Variants in GALNT9 observed in about 807,000 individuals in gnomAD.
GALNT9 encodes the protein GalNAc transferase 9.
GALNT9 carries 47 observed loss-of-function variants against 63.1 expected under a neutral mutation model. That is an observed-to-expected ratio of 0.75 (90% CI 0.59 to 0.95). The LOEUF is 0.95. Ranked by LOEUF, GALNT9 falls within the 40% of genes least tolerant of loss-of-function variation. GALNT9 has a pLI of 0.00. For synonymous variants in GALNT9, 396 were observed against 365.7 expected, an observed-to-expected ratio of 1.08 and a Z score of -0.94; for missense variants, 829 against 874.8, an observed-to-expected ratio of 0.95 and a Z score of 0.66.
intron 6 of GALNT9, among the ~76,000 whole-genome samples, chr12:132,225,661 C>T (rs1014229913): frequency 0.013 from 1,859 of 148,672 alleles, 35 homozygotes; most frequent in East Asian, 0.065. Flanking sequence ...ACACACCCCA[C>T]ACACACACTC....
At chr12:132,311,608 G>C (rs1345288213) in intron 1 of GALNT9, among the ~76,000 whole-genome samples, 14 of 152,224 alleles carry the variant, frequency 9.2e-5, no homozygotes, top group African/African-American at 3.4e-4. Flanking sequence ...AGAGAGAGCA[G>C]ATGTGGACTC....
Position 132,282,792 on chromosome 12 carries a change from C to T in GALNT9, c.419+3458G>A, listed in dbSNP as rs28528829. ...ACGCTCTGACTGGTTTAGACCTGGG[C>T]GGCGGGATCTGCAGCTGGGCTGAAA... On this transcript the variant is annotated intron_variant, in intron 2 of 10. Coordinates refer to ENST00000328957, the MANE Select transcript of GALNT9 (RefSeq NM_001122636.2). This position sits in a 1 kb window ranked among gnomAD's most constrained non-coding sequence, Gnocchi z 4.5. 0.097 allele frequency: 14,833 copies of T among 152,270 alleles called. 1,968 individuals carry two copies. The highest frequency in any genetic ancestry group is 0.3 in the African/African-American group (12,352 of 41,442). 9.4% of individuals were successfully genotyped at this position (152,270 alleles called of 1,614,324 possible). A position where few individuals can be genotyped will look rare whatever the true frequency, so the allele number is the denominator to read the frequency against.
At position 132,329,067 on chromosome 12, in the gene GALNT9, C is replaced by CG. The variant is rs1869177883; in HGVS notation, c.136dup (p.Arg46ProfsTer16). On this transcript the variant is annotated frameshift_variant, in exon 1 of 11. Coordinates refer to ENST00000328957, the MANE Select transcript of GALNT9 (RefSeq NM_001122636.2). LOFTEE classifies it high-confidence loss of function. ...CACCTTGGCGTGTCGGCTGCGCACC[C>CG]GGCGGTCGCCGCTCACGATGCGCAC... is the stretch of plus-strand genomic sequence containing the variant. 3 of 1,547,294 alleles carry CG rather than the reference C, an allele frequency of 1.9e-6. No homozygotes were observed. The highest frequency in any genetic ancestry group is 2.6e-6 in the Non-Finnish European group (3 of 1,146,388).
At chr12:132,313,792 ATC>A in intron 1 of GALNT9, among the ~76,000 whole-genome samples, 1 of 130,698 alleles carries the variant, frequency 7.7e-6, no homozygotes, top group African/African-American at 3.0e-5. Flanking sequence ...ACATCCACCC[ATC>A]CACCCACCCA....
intron 3 of GALNT9, 57 bp from the exon 4 acceptor site, chr12:132,261,179 A>T: frequency 1.3e-6 from 2 of 1,538,410 alleles, no homozygotes; most frequent in Non-Finnish European, 1.7e-6. Flanking sequence ...CGGGGCCACC[A>T]AGACCCAAGG....
intron 2 of GALNT9, among the ~76,000 whole-genome samples, chr12:132,269,793 C>T (rs960991756): frequency 7.9e-5 from 12 of 152,330 alleles, no homozygotes; most frequent in East Asian, 3.9e-4. Context: ...CTGTCCTGGC[C>T]GCTCACTTTC....
chr12:132,251,771 T>A (rs1555238602), intron 5 of GALNT9, among the ~76,000 whole-genome samples: 1 of 152,128 alleles, frequency 6.6e-6, no homozygotes, highest in Non-Finnish European at 1.5e-5. Flanking sequence ...GGTTCTCAGG[T>A]GGGCAGGCCT....
intron 6 of GALNT9, among the ~76,000 whole-genome samples, chr12:132,226,383 A>G (rs1877688038): frequency 6.6e-6 from 1 of 150,630 alleles, no homozygotes; most frequent in African/African-American, 2.5e-5. Context: ...CTGTACATAC[A>G]CATCCCACAC....
chr12:132,285,369 C>T (rs1880547087), intron 2 of GALNT9, among the ~76,000 whole-genome samples: 1 of 152,246 alleles, frequency 6.6e-6, no homozygotes, highest in South Asian at 2.1e-4. Flanking sequence ...CCAGTCGCTC[C>T]CAGGCCCAGA....
chr12:132,230,208 C>A (rs1252279930), intron 6 of GALNT9, among the ~76,000 whole-genome samples: 2 of 152,198 alleles, frequency 1.3e-5, no homozygotes, highest in African/African-American at 4.8e-5. Flanking sequence ...GGAGTCCACG[C>A]ACCCCCTGCC....
At position 132,279,620 on chromosome 12, in the gene GALNT9, GTTTC is replaced by G. The variant is rs1361515774; in HGVS notation, c.419+6626_419+6629del. The G allele has an allele frequency of 6.6e-6, 1 of 152,530 alleles. No individual in the cohort carries two copies. The highest frequency in any genetic ancestry group is 2.4e-5 in the African/African-American group (1 of 41,580). The allele number at this position is 152,530 out of a possible 1,614,324, so 9.4% of individuals were successfully genotyped here. A position where few individuals can be genotyped will look rare whatever the true frequency, so the allele number is the denominator to read the frequency against. On this transcript the variant is annotated intron_variant, in intron 2 of 10. Coordinates refer to ENST00000328957, the MANE Select transcript of GALNT9 (RefSeq NM_001122636.2). The surrounding 1 kb of genome is among the most constrained non-coding windows in gnomAD (Gnocchi z 4.1). ...TCCCCTCCCCACAGTCTTGGCAGTG[GTTTC>G]TTCTCTCCAGAGTTACTGTCCCTAC...
rs1358213889 is a variant in GALNT9, at chr12:132,252,210, C to A, written c.960-4183G>T. ...TCCCATTGAAGCTCAGGTGCTTCAACTCTGCAGGGAGCAAAGAGGCCTCCA... is the reference window on the plus strand; with the variant it reads ...TCCCATTGAAGCTCAGGTGCTTCAAATCTGCAGGGAGCAAAGAGGCCTCCA... On this transcript the variant is annotated intron_variant, in intron 5 of 10. Coordinates refer to ENST00000328957, the MANE Select transcript of GALNT9 (RefSeq NM_001122636.2). The surrounding 1 kb of genome is among the most constrained non-coding windows in gnomAD (Gnocchi z 5.2). Among the ~76,000 whole-genome samples, 1 of 152,220 alleles carries A rather than the reference C, an allele frequency of 6.6e-6. No homozygotes were observed. The highest frequency in any genetic ancestry group is 1.5e-5 in the Non-Finnish European group (1 of 68,038).
At chr12:132,256,764 C>T (rs1555239124) in intron 5 of GALNT9, among the ~76,000 whole-genome samples, 1 of 152,176 alleles carries the variant, frequency 6.6e-6, no homozygotes, top group African/African-American at 2.4e-5. Flanking sequence ...GATTCACAGT[C>T]CTGCCAGCCA....
intron 6 of GALNT9, among the ~76,000 whole-genome samples, chr12:132,215,745 GC>G (rs1231683639): frequency 6.6e-6 from 1 of 152,236 alleles, no homozygotes; most frequent in African/African-American, 2.4e-5. Flanking sequence ...GCACAGAGCA[GC>G]CAGTGGGCAT....
chr12:132,227,389 A>G (rs1037983920), intron 6 of GALNT9, among the ~76,000 whole-genome samples: 241 of 152,090 alleles, frequency 1.6e-3, no homozygotes, highest in Admixed American at 3.6e-3. Flanking sequence ...TGCTGGCCGC[A>G]GCTCCCTCCG....
At chr12:132,206,789 G>C (rs1263725890) in intron 6 of GALNT9, among the ~76,000 whole-genome samples, 1 of 152,206 alleles carries the variant, frequency 6.6e-6, no homozygotes, top group Non-Finnish European at 1.5e-5. Context: ...GGCAAATGTG[G>C]AGATGGCGGC....
chr12:132,254,051 C>T (rs543382260), intron 5 of GALNT9, among the ~76,000 whole-genome samples: 3 of 150,314 alleles, frequency 2.0e-5, no homozygotes, highest in Admixed American at 1.3e-4. Flanking sequence ...GACTGAATTT[C>T]GCTCTCGTTG....
Position 132,203,651 on chromosome 12 carries a change from A to T in GALNT9, c.1117T>A (p.Ser373Thr), listed in dbSNP as rs773099025. 1 of 1,613,632 alleles carries T rather than the reference A, an allele frequency of 6.2e-7. No homozygotes were observed. Among genetic ancestry groups the T allele is most frequent in the East Asian group, 2.2e-5 (1 of 44,854 alleles). The change falls in exon 7 of 11, where the codon TCC becomes ACC. Residue 373 changes from serine to threonine, a missense_variant. Ser to Thr is a moderately conservative substitution (Grantham distance 58). Coordinates refer to ENST00000328957, the MANE Select transcript of GALNT9 (RefSeq NM_001122636.2). ...CGGSMEVLPC[S>T]RVAHIERTRK... is the part of the protein sequence containing the mutation. ...GTGCGCTCGATGTGGGCCACGCGGG[A>T]GCAGGGCAGCACCTCCATGCTGCCG...
At chr12:132,250,944 C>T (rs947925673) in intron 5 of GALNT9, among the ~76,000 whole-genome samples, 4 of 152,170 alleles carry the variant, frequency 2.6e-5, no homozygotes, top group South Asian at 2.1e-4. Context: ...CTAGTGAGCC[C>T]GGTGCCCGTG....
Sources: gnomAD v4.1 joint callset for allele counts (sites outside exome capture counted in the v4.1 genomes callset) on GRCh38, gnomAD v4.1.1 for gene constraint, Gnocchi (gnomAD v3.1) non-coding constraint, MANE v1.5 for transcripts, NCBI Gene and HGNC (gene_info 2026-07-23, HGNC 2026-07-21) for gene names.